SCTR: variants seen among roughly 807,000 people sequenced by gnomAD.
SCTR encodes the protein pancreatic secretin receptor.
A neutral mutation model predicts 60.8 loss-of-function variants in SCTR; 56 were observed. That is an observed-to-expected ratio of 0.92 (90% confidence interval 0.74 to 1.15). The LOEUF (loss-of-function observed/expected upper bound fraction) is 1.15. Among genes scored for constraint, SCTR ranks in the 50% most tolerant of loss-of-function variants. SCTR has a pLI of 0.00. For missense variants in SCTR, 562 were observed against 550.4 expected (o/e 1.02, Z -0.21); for synonymous variants, 202 against 217.0 (o/e 0.93, Z 0.61).
intron 3 of SCTR, among the ~76,000 whole-genome samples, chr2:119,475,407 C>T (rs1677230097): frequency 6.6e-6 from 1 of 152,076 alleles, no homozygotes; most frequent in African/African-American, 2.4e-5. Context: ...GCAGGACTCC[C>T]AAGACAGATG....
intron 2 of SCTR, chr2:119,480,871 G>A (rs1677569513): frequency 6.6e-6 from 1 of 152,400 alleles, no homozygotes; most frequent in East Asian, 1.9e-4. Flanking sequence ...GGGGAACATG[G>A]TGCAGGGCAG....
chr2:119,482,477 G>A (rs1374822419), intron 2 of SCTR, among the ~76,000 whole-genome samples: 1 of 152,204 alleles, frequency 6.6e-6, no homozygotes, highest in African/African-American at 2.4e-5. Flanking sequence ...TGTGGGCGGA[G>A]CTTTCACAGG....
intron 1 of SCTR, chr2:119,495,348 A>G (rs1364528859): frequency 6.6e-6 from 1 of 152,258 alleles, no homozygotes; most frequent in Admixed American, 6.5e-5. Context: ...TAGAACAGCG[A>G]CTGCAGGGAG....
At position 119,450,655 on chromosome 2, in the gene SCTR, A is replaced by AT. The variant is rs575277383; in HGVS notation, c.921+1354dup. Among the ~76,000 whole-genome samples, 447 of 150,900 alleles carry AT rather than the reference A, an allele frequency of 3.0e-3. 1 individual carries two copies. The highest frequency in any genetic ancestry group is 9.3e-3 in the African/African-American group (385 of 41,188). On this transcript the variant is annotated intron_variant, in intron 9 of 12. Coordinates refer to ENST00000019103, the MANE Select transcript of SCTR (RefSeq NM_002980.3). ...TATGTAGCTGGGAGAATGATGAATGATTTTTTTTTTCCTTTTTAAAAAATA... is the reference window on the plus strand; with the variant it reads ...TATGTAGCTGGGAGAATGATGAATGATTTTTTTTTTTCCTTTTTAAAAAATA...
intron 11 of SCTR, among the ~76,000 whole-genome samples, chr2:119,445,678 A>G (rs1478885340): frequency 6.6e-6 from 1 of 152,156 alleles, no homozygotes; most frequent in Non-Finnish European, 1.5e-5. Flanking sequence ...AAAAAAAACT[A>G]CTGGGAGAAT....
Position 119,506,369 on chromosome 2 carries a change from G to A in SCTR, c.73-11821C>T, listed in dbSNP as rs533934472. 9.2e-5 allele frequency among the ~76,000 whole-genome samples: 14 copies of A among 152,218 alleles called. No homozygotes were observed. In the South Asian group the frequency reaches 2.7e-3, roughly 29 times the overall value. On this transcript the variant is annotated intron_variant, in intron 1 of 12. Coordinates refer to ENST00000019103, the MANE Select transcript of SCTR (RefSeq NM_002980.3). ...ATATATGCACCAACCTAGACGAATC[G>A]CCAGAGAAATATGCTGAATGAAAAG...
intron 7 of SCTR, among the ~76,000 whole-genome samples, chr2:119,455,513 C>T (rs1265356452): frequency 6.6e-6 from 1 of 152,152 alleles, no homozygotes; most frequent in African/African-American, 2.4e-5. Flanking sequence ...GGAACGCCAT[C>T]GGAGAGATAA....
intron 1 of SCTR, among the ~76,000 whole-genome samples, chr2:119,505,651 A>C (rs1229883115): frequency 2.0e-5 from 3 of 151,268 alleles, no homozygotes; most frequent in African/African-American, 7.3e-5. Context: ...GTGGGAACTG[A>C]ACAATGAGAA....
Position 119,517,224 on chromosome 2 carries a change from A to G in SCTR, c.72+6931T>C, listed in dbSNP as rs1335060366. 2.6e-5 allele frequency among the ~76,000 whole-genome samples: 4 copies of G among 151,994 alleles called. No homozygotes were observed. In the East Asian group the frequency reaches 7.8e-4, roughly 29 times the overall value. ...ACCCAGGCTGGAGTGCAGTGGCACA[A>G]TCATGGCTCACTGCAGCCTCTACTT... On this transcript the variant is annotated intron_variant, in intron 1 of 12. Transcript: ENST00000019103.
intron 8 of SCTR, 25 bp from the exon 9 acceptor site, chr2:119,452,104 G>A: frequency 6.7e-7 from 1 of 1,495,418 alleles, no homozygotes; most frequent in Non-Finnish European, 9.3e-7. Context: ...GCTGGGCATG[G>A]TTATGAGCAG....
chr2:119,478,926 G>A lies in SCTR; in HGVS notation c.194-8C>T, dbSNP rs377464622. On this transcript the variant is annotated splice_polypyrimidine_tract_variant and splice_region_variant and intron_variant, in intron 2 of 12. Transcript: ENST00000019103. ...CCCACATCCCCTCACAACCTGCCAA[G>A]AAAAGCAGCATCAGACAAGGATGGG... The A allele has an allele frequency of 2.5e-6, 4 of 1,613,960 alleles. No homozygotes were observed. The highest frequency in any genetic ancestry group is 3.4e-6 in the Non-Finnish European group (4 of 1,179,972).
intron 1 of SCTR, among the ~76,000 whole-genome samples, chr2:119,513,884 T>C (rs1181435064): frequency 1.3e-5 from 2 of 152,236 alleles, no homozygotes; most frequent in Non-Finnish European, 2.9e-5. Context: ...CCATTGCTTT[T>C]CTGGGTAAAT....
intron 12 of SCTR, 92 bp from the exon 13 acceptor site, chr2:119,440,349 G>C: frequency 7.0e-7 from 1 of 1,422,436 alleles, no homozygotes; most frequent in East Asian, 2.4e-5. Context: ...CGCAGGCCCT[G>C]CCACTCCTGC....
chr2:119,508,141 A>G (rs1678810701), intron 1 of SCTR, among the ~76,000 whole-genome samples: 1 of 152,138 alleles, frequency 6.6e-6, no homozygotes, highest in African/African-American at 2.4e-5. Context: ...TGAAAAACAC[A>G]TGTGCAAATT....
At chr2:119,482,258 G>A (rs78642961) in intron 2 of SCTR, among the ~76,000 whole-genome samples, 3,507 of 152,302 alleles carry the variant, frequency 0.023, 118 homozygotes, top group African/African-American at 0.076. Context: ...TGCTGGCCTA[G>A]AGCGGGGCAG....
intron 2 of SCTR, among the ~76,000 whole-genome samples, chr2:119,490,918 A>T (rs369209016): frequency 2.0e-5 from 3 of 152,218 alleles, no homozygotes; most frequent in African/African-American, 7.2e-5. Flanking sequence ...TCTGACTGAC[A>T]GGGCACTGGT....
At chr2:119,450,150 A>C (rs1206157059) in intron 9 of SCTR, among the ~76,000 whole-genome samples, 1 of 139,692 alleles carries the variant, frequency 7.2e-6, no homozygotes, top group East Asian at 1.9e-4. Flanking sequence ...GGAAGCAAGG[A>C]AGCAAGCAAG....
intron 2 of SCTR, among the ~76,000 whole-genome samples, chr2:119,488,692 A>G (rs969100065): frequency 1.4e-4 from 21 of 152,228 alleles, no homozygotes; most frequent in Admixed American, 1.0e-3. Flanking sequence ...AGTGAACACC[A>G]GCCATTCATG....
chr2:119,441,125 C>T (rs1395884158), intron 12 of SCTR, among the ~76,000 whole-genome samples: 2 of 152,274 alleles, frequency 1.3e-5, no homozygotes, highest in South Asian at 2.1e-4. Flanking sequence ...TTCTGAGTCA[C>T]CCGTTTCACA....
Sources: allele counts gnomAD v4.1 joint callset (sites outside exome capture counted in the v4.1 genomes callset), GRCh38; gene constraint gnomAD v4.1.1; transcripts MANE v1.5; gene names NCBI Gene and HGNC (gene_info 2026-07-23, HGNC 2026-07-21).